The following PDE1C variants were observed in gnomAD, a reference collection of about 807,000 sequenced individuals.
PDE1C encodes the protein dual specificity calcium/calmodulin-dependent 3',5'-cyclic nucleotide phosphodiesterase 1C.
In PDE1C, 62 loss-of-function variants were observed where a neutral mutation model predicts 93.1. The ratio of observed to expected loss-of-function variants is 0.67; its 90% CI spans 0.54 to 0.82. The LOEUF (loss-of-function observed/expected upper bound fraction) is 0.82, where lower values mean the gene tolerates loss of function less well. PDE1C is among the 40% of genes least tolerant of loss of function. The pLI, the probability that PDE1C is intolerant of heterozygous loss-of-function variation, is 0.00. For missense variants in PDE1C, 742 were observed against 884.6 expected (o/e 0.84, Z 2.04); for synonymous variants, 325 against 310.1 (o/e 1.05, Z -0.50).
chr7:32,260,531 G>A (rs1445141583), intron 1 of PDE1C, among the ~76,000 whole-genome samples: 1 of 152,204 alleles, frequency 6.6e-6, no homozygotes, highest in Non-Finnish European at 1.5e-5. Flanking sequence ...GCAGCCCTCT[G>A]TGGGTTTTCT....
chr7:32,258,812 A>C (rs527929819), intron 1 of PDE1C, among the ~76,000 whole-genome samples: 1 of 152,264 alleles, frequency 6.6e-6, no homozygotes, highest in African/African-American at 2.4e-5. Context: ...ATCTTTCTTC[A>C]TACCCTCAAG....
At chr7:32,354,845 A>C (rs892019124) in intron 1 of PDE1C, among the ~76,000 whole-genome samples, 3 of 152,240 alleles carry the variant, frequency 2.0e-5, no homozygotes, top group Admixed American at 6.5e-5. Flanking sequence ...AACACTTGCT[A>C]TCCCTGGGCC....
chr7:32,302,555 C>A (rs188460656), upstream of PDE1C, among the ~76,000 whole-genome samples: 12 of 152,252 alleles, frequency 7.9e-5, no homozygotes, highest in East Asian at 2.3e-3. Flanking sequence ...GCAGGATGCT[C>A]CTCTGACTCT....
intron 1 of PDE1C, among the ~76,000 whole-genome samples, chr7:32,371,225 A>G (rs923205687): frequency 3.3e-5 from 5 of 152,036 alleles, no homozygotes; most frequent in African/African-American, 9.7e-5. Flanking sequence ...GTTTTTGCCT[A>G]CCCAACTCCT....
At chr7:31,927,230 C>T (rs562017685) in intron 2 of PDE1C, among the ~76,000 whole-genome samples, 2 of 152,334 alleles carry the variant, frequency 1.3e-5, no homozygotes, top group South Asian at 2.1e-4. Context: ...GGTCCTGGGG[C>T]TGGACTGCCT....
intron 1 of PDE1C, among the ~76,000 whole-genome samples, chr7:32,346,638 G>T (rs1783857721): frequency 6.6e-6 from 1 of 152,186 alleles, no homozygotes; most frequent in Non-Finnish European, 1.5e-5. Flanking sequence ...TTTGTGCTTT[G>T]GTACCTTTAA....
intron 1 of PDE1C, among the ~76,000 whole-genome samples, chr7:32,063,483 G>C (rs1795040353): frequency 6.6e-6 from 1 of 152,178 alleles, no homozygotes; most frequent in Non-Finnish European, 1.5e-5. Flanking sequence ...AACTGACAGA[G>C]GAATGCTGTA....
intron 16 of PDE1C, among the ~76,000 whole-genome samples, chr7:31,781,620 C>T (rs371581752): frequency 6.6e-6 from 1 of 151,940 alleles, no homozygotes; most frequent in South Asian, 2.1e-4. Flanking sequence ...GAAGAGAGAG[C>T]ATCAGTAAAA....
intron 3 of PDE1C, among the ~76,000 whole-genome samples, chr7:32,116,145 C>G (rs984991406): frequency 2.6e-5 from 4 of 152,198 alleles, no homozygotes; most frequent in African/African-American, 7.2e-5. Flanking sequence ...AAATATGACA[C>G]TTCCGTGGGA....
intron 1 of PDE1C, among the ~76,000 whole-genome samples, chr7:32,413,033 A>G (rs1361255441): frequency 6.6e-6 from 1 of 152,188 alleles, no homozygotes; most frequent in African/African-American, 2.4e-5. Context: ...GGTTTGGGTT[A>G]CACAAGCGTA....
chr7:32,018,542 C>G (rs1032684318), intron 2 of PDE1C, among the ~76,000 whole-genome samples: 2 of 152,088 alleles, frequency 1.3e-5, no homozygotes, highest in Non-Finnish European at 2.9e-5. Context: ...TGAAATCTTT[C>G]TAAGTGAAAG....
Position 32,106,813 on chromosome 7 carries a change from A to G in PDE1C, c.308+62972T>C, listed in dbSNP as rs536438347. On this transcript the variant is annotated intron_variant, in intron 3 of 18. Transcript: ENST00000396193. ...ATAAGCCATGCTAAAAGACAAAAAC[A>G]TAATCTGAAGTAATAAAGTATAAAA... Among the ~76,000 whole-genome samples the G allele has an allele frequency of 4.6e-5, 7 of 152,150 alleles. No individual in the cohort carries two copies. The South Asian group carries it at 1.5e-3, about 32-fold the overall frequency.
chr7:32,122,941 A>G (rs1261085909), intron 3 of PDE1C, among the ~76,000 whole-genome samples: 2 of 152,154 alleles, frequency 1.3e-5, no homozygotes, highest in Non-Finnish European at 2.9e-5. Flanking sequence ...TTTTTAAGAA[A>G]TTAACAAAAT....
chr7:31,931,381 T>C (rs1471100141), intron 2 of PDE1C, among the ~76,000 whole-genome samples: 2 of 152,212 alleles, frequency 1.3e-5, no homozygotes, highest in Non-Finnish European at 2.9e-5. Flanking sequence ...ATAAGCCACT[T>C]CAGCAAAGTC....
intron 1 of PDE1C, among the ~76,000 whole-genome samples, chr7:32,388,437 C>A (rs145375519): frequency 6.6e-6 from 1 of 152,026 alleles, no homozygotes; most frequent in African/African-American, 2.4e-5. Flanking sequence ...AGAGCCAGAA[C>A]GGGGTAGAAG....
chr7:31,642,058 C>A, the PDE1C span: 1 of 548,474 alleles, frequency 1.8e-6, no homozygotes, highest in Admixed American at 3.8e-5. Context: ...TTTTTTCTTC[C>A]ACACAGTGGG....
upstream of PDE1C, among the ~76,000 whole-genome samples, chr7:32,302,978 C>G (rs149233087): frequency 6.6e-6 from 1 of 152,176 alleles, no homozygotes; most frequent in Non-Finnish European, 1.5e-5. Context: ...GGGCCTCTTC[C>G]CATTCATATA....
chr7:32,081,528 A>G (rs1221887689), intron 3 of PDE1C, among the ~76,000 whole-genome samples: 2 of 152,202 alleles, frequency 1.3e-5, no homozygotes, highest in Non-Finnish European at 2.9e-5. Context: ...GATATTTCCT[A>G]TACTCCTATT....
chr7:32,206,071 G>C (rs903915566), intron 2 of PDE1C, among the ~76,000 whole-genome samples: 1 of 152,110 alleles, frequency 6.6e-6, no homozygotes, highest in African/African-American at 2.4e-5. Flanking sequence ...GTTTTTAGAG[G>C]GGTAAGGTTA....
Sources: allele counts gnomAD v4.1 joint callset (sites outside exome capture counted in the v4.1 genomes callset), GRCh38; gene constraint gnomAD v4.1.1; transcripts MANE v1.5; gene names NCBI Gene and HGNC (gene_info 2026-07-23, HGNC 2026-07-21).